The following COX7B2 variants were observed in gnomAD, a reference collection of about 807,000 sequenced individuals.
COX7B2 encodes the protein cytochrome c oxidase subunit 7B2, mitochondrial.
For missense variants in COX7B2, 109 were observed against 95.9 expected, an observed-to-expected ratio of 1.14 and a Z score of -0.57; for synonymous variants, 37 against 32.1, an observed-to-expected ratio of 1.15 and a Z score of -0.51.
intron 1 of COX7B2, among the ~76,000 whole-genome samples, chr4:46,885,402 C>T (rs936527466): frequency 6.6e-6 from 1 of 152,004 alleles, no homozygotes. Flanking sequence ...GGAGAAATAG[C>T]ATATACATAT....
chr4:46,867,042 C>A (rs1717707156), intron 1 of COX7B2, among the ~76,000 whole-genome samples: 1 of 152,136 alleles, frequency 6.6e-6, no homozygotes, highest in South Asian at 2.1e-4. Flanking sequence ...TAATTTTTGG[C>A]CCTTGCTTAT....
At chr4:46,744,977 C>T (rs1167047579) in intron 2 of COX7B2, among the ~76,000 whole-genome samples, 1 of 152,022 alleles carries the variant, frequency 6.6e-6, no homozygotes. Context: ...GGCAATCTGC[C>T]TGCCTCAGCC....
chr4:46,882,209 C>A (rs183515464), intron 1 of COX7B2, among the ~76,000 whole-genome samples: 4 of 152,108 alleles, frequency 2.6e-5, no homozygotes, highest in Admixed American at 2.6e-4. Context: ...TGTTTTAGGT[C>A]CAATTATGTG....
chr4:46,861,243 T>C lies in COX7B2; in HGVS notation c.-104-16229A>G, dbSNP rs113145357. Among the ~76,000 whole-genome samples the C allele has an allele frequency of 6.1e-3, 926 of 152,292 alleles. 6 individuals are homozygous for C. Among genetic ancestry groups the C allele is most frequent in the African/African-American group, 0.021 (870 of 41,556 alleles). ...TTGTCATATTCTGTTTGCTGGTGAATGCAGTTATCACTCCACTGCCCACTC... is the reference window on the plus strand; with the variant it reads ...TTGTCATATTCTGTTTGCTGGTGAACGCAGTTATCACTCCACTGCCCACTC... On this transcript the variant is annotated intron_variant, in intron 1 of 2. Coordinates refer to ENST00000355591, the MANE Select transcript of COX7B2 (RefSeq NM_130902.3).
intron 2 of COX7B2, among the ~76,000 whole-genome samples, chr4:46,755,977 G>C (rs760065826): frequency 2.0e-5 from 3 of 151,866 alleles, no homozygotes; most frequent in Non-Finnish European, 4.4e-5. Context: ...ATTTTATATG[G>C]AACCAAAAAA....
chr4:46,791,339 C>T (rs958511480), intron 2 of COX7B2, among the ~76,000 whole-genome samples: 4 of 152,108 alleles, frequency 2.6e-5, no homozygotes, highest in African/African-American at 4.8e-5. Flanking sequence ...GTAGAAATAA[C>T]ATGAGGGAAT....
At chr4:46,893,591 A>G (rs952033719) in intron 1 of COX7B2, among the ~76,000 whole-genome samples, 3 of 152,150 alleles carry the variant, frequency 2.0e-5, no homozygotes, top group Non-Finnish European at 4.4e-5. Context: ...AGGGAATACA[A>G]GGAAATTTCA....
intron 2 of COX7B2, among the ~76,000 whole-genome samples, chr4:46,769,507 G>A (rs1716746892): frequency 6.6e-6 from 1 of 152,112 alleles, no homozygotes; most frequent in Non-Finnish European, 1.5e-5. Flanking sequence ...TTGAGGTCAG[G>A]AGTTTGGGAC....
intron 2 of COX7B2, among the ~76,000 whole-genome samples, chr4:46,800,366 C>A (rs1390248235): frequency 6.6e-6 from 1 of 152,108 alleles, no homozygotes; most frequent in Non-Finnish European, 1.5e-5. Flanking sequence ...AAACTTTATA[C>A]TACAAGGCTA....
chr4:46,817,337 T>C (rs1341714274), intron 2 of COX7B2, among the ~76,000 whole-genome samples: 1 of 152,206 alleles, frequency 6.6e-6, no homozygotes, highest in Non-Finnish European at 1.5e-5. Context: ...CAATATCCCC[T>C]TTCTATTGAT....
rs1196447395 is a variant in COX7B2, at chr4:46,891,636, A to G, written c.-105+17524T>C. Among the ~76,000 whole-genome samples the G allele has an allele frequency of 2.0e-5, 3 of 152,322 alleles. No individual in the cohort carries two copies. In the East Asian group the frequency reaches 5.8e-4, roughly 29 times the overall value. ...TGAAGTTTCCACATCCCTTTGAAAT[A>G]CATGTAGTAGACCAGTGAATTCAGT... On this transcript the variant is annotated intron_variant, in intron 1 of 2. Transcript: ENST00000355591.
intron 1 of COX7B2, among the ~76,000 whole-genome samples, chr4:46,850,206 TAAATGATTTAATTTTAAATAATTTA>T (rs1477895403): frequency 2.7e-5 from 4 of 149,032 alleles, no homozygotes; most frequent in South Asian, 2.1e-4. Flanking sequence ...TTAAATAATT[TAAATGATTTAATTTTAAATAATTTA>T]AAATGATTTA....
intron 2 of COX7B2, among the ~76,000 whole-genome samples, chr4:46,739,339 C>CA (rs1484300176): frequency 9.2e-5 from 14 of 151,700 alleles, no homozygotes; most frequent in Admixed American, 2.6e-4. Context: ...CAAACCAAAC[C>CA]AAACCAAAAC....
chr4:46,906,616 C>G (rs1247886029), intron 1 of COX7B2, among the ~76,000 whole-genome samples: 1 of 151,976 alleles, frequency 6.6e-6, no homozygotes, highest in African/African-American at 2.4e-5. Context: ...TATTTTTTTT[C>G]TAAGCATTAG....
At chr4:46,764,747 C>T (rs1196735497) in intron 2 of COX7B2, among the ~76,000 whole-genome samples, 1 of 149,908 alleles carries the variant, frequency 6.7e-6, no homozygotes, top group Non-Finnish European at 1.5e-5. Context: ...ATTAAACTGA[C>T]CGTTACAATT....
chr4:46,880,993 T>TAAAAAAAAAAAAAAAAAAAAAAAAAA (rs1215385422), intron 1 of COX7B2, among the ~76,000 whole-genome samples: 4 of 102,824 alleles, frequency 3.9e-5, no homozygotes, highest in Admixed American at 1.1e-4. Flanking sequence ...TAGAGTATAA[T>TAAAAAAAAAAAAAAAAAAAAAAAAAA]AAAAAAAAAA....
chr4:46,789,719 G>A (rs1183229417), intron 2 of COX7B2, among the ~76,000 whole-genome samples: 2 of 152,074 alleles, frequency 1.3e-5, no homozygotes, highest in South Asian at 2.1e-4. Context: ...GCTGAACAAA[G>A]GAAGACTAGT....
At chr4:46,789,074 A>G (rs879361521) in intron 2 of COX7B2, among the ~76,000 whole-genome samples, 1 of 152,158 alleles carries the variant, frequency 6.6e-6, no homozygotes, top group Non-Finnish European at 1.5e-5. Flanking sequence ...CAATTTTTTT[A>G]CAGAAGAGCA....
At chr4:46,823,359 T>A (rs1714440503) in intron 2 of COX7B2, among the ~76,000 whole-genome samples, 1 of 151,548 alleles carries the variant, frequency 6.6e-6, no homozygotes, top group Admixed American at 6.6e-5. Flanking sequence ...TATGTATATC[T>A]CCTTGACCAT....
Sources: allele counts gnomAD v4.1 joint callset (sites outside exome capture counted in the v4.1 genomes callset), GRCh38; gene constraint gnomAD v4.1.1; transcripts MANE v1.5; gene names NCBI Gene and HGNC (gene_info 2026-07-23, HGNC 2026-07-21).